The following PTGER3 variants were observed in gnomAD, a reference collection of about 807,000 sequenced individuals.
The protein encoded by PTGER3 is prostaglandin E2 receptor EP3 subtype.
PTGER3 carries 22 observed loss-of-function variants against 34.7 expected under a neutral mutation model. The ratio of observed to expected loss-of-function variants is 0.63; its 90% CI spans 0.45 to 0.91. PTGER3 has a LOEUF of 0.91. Among genes scored for constraint, PTGER3 ranks in the 40% least tolerant of loss-of-function variants. The pLI, the probability that PTGER3 is intolerant of heterozygous loss-of-function variation, is 0.00. For missense variants in PTGER3, 468 were observed against 519.4 expected (o/e 0.90, Z 0.96); for synonymous variants, 241 against 230.1 (o/e 1.05, Z -0.43).
intron 4 of PTGER3, among the ~76,000 whole-genome samples, chr1:70,927,477 G>A (rs28652781): frequency 1.7e-4 from 26 of 152,256 alleles, no homozygotes; most frequent in East Asian, 9.7e-4. Flanking sequence ...ATGGAATACC[G>A]TGATAGAGAG....
chr1:70,900,079 C>A (rs1646803930), intron 4 of PTGER3, among the ~76,000 whole-genome samples: 1 of 152,136 alleles, frequency 6.6e-6, no homozygotes, highest in Non-Finnish European at 1.5e-5. Context: ...CTAAAGCTAC[C>A]AATTTTCTTC....
chr1:71,006,288 G>C (rs927863983), intron 2 of PTGER3: 6 of 985,272 alleles, frequency 6.1e-6, no homozygotes, highest in Admixed American at 6.2e-5. Flanking sequence ...GAAGAAAGAG[G>C]GATACTTTTA....
chr1:71,037,125 G>A (rs1659908332), intron 1 of PTGER3, among the ~76,000 whole-genome samples: 2 of 152,182 alleles, frequency 1.3e-5, no homozygotes, highest in South Asian at 4.1e-4. Flanking sequence ...CCATCATGCT[G>A]CACTGGACCA....
At chr1:71,034,315 T>TA (rs764991230) in intron 1 of PTGER3, among the ~76,000 whole-genome samples, 6 of 152,212 alleles carry the variant, frequency 3.9e-5, no homozygotes, top group Non-Finnish European at 7.4e-5. Flanking sequence ...TTGTCATTTA[T>TA]TGATTTTCCT....
intron 4 of PTGER3, among the ~76,000 whole-genome samples, chr1:70,889,434 A>AC: frequency 6.6e-6 from 1 of 151,430 alleles, no homozygotes; most frequent in South Asian, 2.1e-4. Flanking sequence ...AAAAAAAAAA[A>AC]AGATTGTTCT....
At position 71,046,435 on chromosome 1, in the gene PTGER3, C is replaced by T. The variant is rs929449203; in HGVS notation, c.897+246G>A. On this transcript the variant is annotated intron_variant, in intron 1 of 3. Transcript: ENST00000306666. ...TCCTACCCGACTAGAATGTGAGCAG[C>T]CCTGTGATCTCTATGTGCTCATAAA... Among the ~76,000 whole-genome samples the T allele has an allele frequency of 2.6e-5, 4 of 152,306 alleles. No homozygotes were observed. The East Asian group carries it at 7.7e-4, about 29-fold the overall frequency.
chr1:71,039,499 A>T (rs558177837), intron 1 of PTGER3, among the ~76,000 whole-genome samples: 1 of 151,826 alleles, frequency 6.6e-6, no homozygotes, highest in East Asian at 1.9e-4. Flanking sequence ...AAATAGAAAA[A>T]ATTAGCCGGG....
At chr1:70,881,763 C>T (rs1182211455) in intron 4 of PTGER3, among the ~76,000 whole-genome samples, 1 of 152,132 alleles carries the variant, frequency 6.6e-6, no homozygotes, top group Non-Finnish European at 1.5e-5. Context: ...ACAGGACTTC[C>T]TTAGGCAGAG....
intron 4 of PTGER3, among the ~76,000 whole-genome samples, chr1:70,945,734 C>A (rs190506416): frequency 1.2e-4 from 18 of 152,044 alleles, no homozygotes; most frequent in Admixed American, 3.3e-4. Flanking sequence ...TCAATAAAAC[C>A]TTTAACTTTT....
downstream of PTGER3, among the ~76,000 whole-genome samples, chr1:70,951,825 A>G (rs369758199): frequency 1.0e-3 from 157 of 152,318 alleles, no homozygotes; most frequent in South Asian, 0.031. Flanking sequence ...AAAAAGGTAG[A>G]CAGACAAACA....
chr1:71,042,383 C>G (rs772382248), intron 1 of PTGER3, among the ~76,000 whole-genome samples: 6 of 151,470 alleles, frequency 4.0e-5, no homozygotes, highest in Admixed American at 6.6e-5. Context: ...TGACTTTTTT[C>G]TGAGAGCCAA....
At chr1:70,852,915 TTAAA>T in intron 4 of PTGER3, 3 of 1,562,380 alleles carry the variant, frequency 1.9e-6, no homozygotes, top group Admixed American at 1.7e-5. Context: ...TGTTAATATC[TTAAA>T]TAAAAATCAA....
intron 2 of PTGER3, among the ~76,000 whole-genome samples, chr1:70,978,801 G>A (rs1221096462): frequency 6.6e-6 from 1 of 152,008 alleles, no homozygotes; most frequent in African/African-American, 2.4e-5. Context: ...TGATCCCTGT[G>A]GGCATAAAGA....
chr1:70,937,379 G>A (rs1649324914), intron 4 of PTGER3, among the ~76,000 whole-genome samples: 1 of 152,168 alleles, frequency 6.6e-6, no homozygotes, highest in African/African-American at 2.4e-5. Flanking sequence ...TAGGTGTGGG[G>A]TTAAATTGAA....
rs1266336622 is a variant in PTGER3, at chr1:70,946,438, A to G, written c.*23+7325T>C. Reference sequence around the variant, plus strand: ...ACAGACCCAGGAAACTTGGTTCTACAGTGCGTGCTCTTTACCACTACTTAA... The same window carrying G: ...ACAGACCCAGGAAACTTGGTTCTACGGTGCGTGCTCTTTACCACTACTTAA... On this transcript the variant is annotated intron_variant, in intron 4 of 4. Transcript: ENST00000370931. Among the ~76,000 whole-genome samples, 9 of 152,160 alleles carry G rather than the reference A, an allele frequency of 5.9e-5. No individual in the cohort carries two copies. In the East Asian group the frequency reaches 1.7e-3, roughly 29 times the overall value.
intron 2 of PTGER3, among the ~76,000 whole-genome samples, chr1:70,988,781 A>C (rs1655158989): frequency 1.3e-5 from 2 of 152,164 alleles, no homozygotes; most frequent in African/African-American, 4.8e-5. Flanking sequence ...ACCAAAACCT[A>C]ACATAGTGAT....
intron 3 of PTGER3, chr1:70,953,180 A>G (rs541488948): frequency 4.8e-6 from 4 of 835,690 alleles, no homozygotes; most frequent in South Asian, 2.7e-5. Flanking sequence ...TTTACATTGT[A>G]TTAGGCATTA....
intron 1 of PTGER3, among the ~76,000 whole-genome samples, chr1:71,030,574 C>T (rs1463730578): frequency 6.6e-6 from 1 of 152,096 alleles, no homozygotes; most frequent in Non-Finnish European, 1.5e-5. Flanking sequence ...ATGTTCTAAG[C>T]CTAAAAGACA....
At chr1:71,007,170 T>C (rs1347619143) in intron 2 of PTGER3, 15 of 985,712 alleles carry the variant, frequency 1.5e-5, no homozygotes, top group Non-Finnish European at 1.8e-5. Context: ...CTTTTGATAC[T>C]GATCTTTACA....
Sources: gnomAD v4.1 joint callset for allele counts (sites outside exome capture counted in the v4.1 genomes callset) on GRCh38, gnomAD v4.1.1 for gene constraint, MANE v1.5 for transcripts, NCBI Gene and HGNC (gene_info 2026-07-23, HGNC 2026-07-21) for gene names.